The following ADAMTSL1 variants were observed in gnomAD, a reference collection of about 807,000 sequenced individuals.
ADAMTSL1 encodes the protein ADAMTS-like protein 1.
Under a neutral mutation model 201.8 loss-of-function variants are expected in ADAMTSL1, and 126 were observed. The observed-to-expected ratio is 0.62, with a 90% confidence interval of 0.54 to 0.72. The LOEUF is 0.72. Among genes scored for constraint, ADAMTSL1 ranks in the 30% least tolerant of loss-of-function variants. ADAMTSL1 has a pLI of 0.00. For missense variants in ADAMTSL1, 2,679 were observed against 2,277.8 expected, an observed-to-expected ratio of 1.18 and a Z score of -3.59; for synonymous variants, 1,121 against 903.4, an observed-to-expected ratio of 1.24 and a Z score of -4.32.
chr9:18,777,448 C>T lies in ADAMTSL1; in HGVS notation c.3219C>T (p.Thr1073=), dbSNP rs1395979104. Reference sequence around the variant, plus strand: ...TGCACCTGCCCTTCACCATGGTGACCGAGCAGCGGCGCCTGGACGACATCC... The same window carrying T: ...TGCACCTGCCCTTCACCATGGTGACTGAGCAGCGGCGCCTGGACGACATCC... ...VLLHLPFTMV[T]EQRRLDDILG... Residue 1073 remains threonine (T), a synonymous_variant, in exon 19 of 29, where the codon ACC becomes ACT. Coordinates refer to ENST00000380548, the MANE Select transcript of ADAMTSL1 (RefSeq NM_001040272.6). The T allele has an allele frequency of 1.3e-6, 2 of 1,595,404 alleles. No homozygotes were observed. The highest frequency in any genetic ancestry group is 1.7e-6 in the Non-Finnish European group (2 of 1,171,504).
intron 1 of ADAMTSL1, among the ~76,000 whole-genome samples, chr9:17,943,899 A>G (rs576238060): frequency 1.3e-5 from 2 of 152,188 alleles, no homozygotes; most frequent in South Asian, 4.2e-4. Context: ...CAGAAGGTGA[A>G]GGGTGAACAG....
intron 4 of ADAMTSL1, among the ~76,000 whole-genome samples, chr9:18,614,381 A>G (rs1825573411): frequency 6.6e-6 from 1 of 151,928 alleles, no homozygotes; most frequent in Non-Finnish European, 1.5e-5. Flanking sequence ...CTAGACTTCA[A>G]CTCTGGTGAC....
intron 1 of ADAMTSL1, among the ~76,000 whole-genome samples, chr9:18,120,876 A>G (rs1370770156): frequency 6.6e-6 from 1 of 152,182 alleles, no homozygotes; most frequent in East Asian, 1.9e-4. Flanking sequence ...TTATTAATAC[A>G]TTAATGTTTG....
intron 9 of ADAMTSL1, among the ~76,000 whole-genome samples, chr9:18,667,776 T>A (rs1192792484): frequency 6.6e-6 from 1 of 152,200 alleles, no homozygotes; most frequent in African/African-American, 2.4e-5. Flanking sequence ...AAGGAAAAGA[T>A]GGAATTCTAG....
chr9:18,691,214 T>A (rs1360137477), intron 13 of ADAMTSL1, among the ~76,000 whole-genome samples: 1 of 152,212 alleles, frequency 6.6e-6, no homozygotes, highest in Non-Finnish European at 1.5e-5. Flanking sequence ...TATATCAGAA[T>A]TGCATCTACC....
Position 18,721,531 on chromosome 9 carries a change from C to G in ADAMTSL1, c.1877-5C>G. On this transcript the variant is annotated splice_region_variant and splice_polypyrimidine_tract_variant and intron_variant, in intron 14 of 28. Coordinates refer to ENST00000380548, the MANE Select transcript of ADAMTSL1 (RefSeq NM_001040272.6). ...CTCTGGCCTGACCGTGTGATTTGTA[C>G]ACAGGTGTCCAGGAGGCTGTGGTGA... 1 of 1,613,740 alleles carries G rather than the reference C, an allele frequency of 6.2e-7. No homozygotes were observed.
At chr9:18,591,163 T>C (rs1823889188) in intron 4 of ADAMTSL1, among the ~76,000 whole-genome samples, 1 of 152,196 alleles carries the variant, frequency 6.6e-6, no homozygotes, top group Non-Finnish European at 1.5e-5. Context: ...TCTCTCCTTT[T>C]AGATCTGTTA....
chr9:18,701,125 T>C (rs1367261887), intron 13 of ADAMTSL1, among the ~76,000 whole-genome samples: 1 of 151,736 alleles, frequency 6.6e-6, no homozygotes, highest in Non-Finnish European at 1.5e-5. Flanking sequence ...TGGTAAAATA[T>C]AATAGCTCAA....
intron 2 of ADAMTSL1, among the ~76,000 whole-genome samples, chr9:18,520,286 G>A (rs1818615433): frequency 6.6e-6 from 1 of 152,148 alleles, no homozygotes; most frequent in Non-Finnish European, 1.5e-5. Flanking sequence ...GTCTTAGACC[G>A]TTTACCCCAA....
rs1006207079 is a variant in ADAMTSL1, at chr9:18,177,496, T to C, written c.207+13515T>C. Among the ~76,000 whole-genome samples the C allele has an allele frequency of 2.0e-5, 3 of 152,174 alleles. No individual in the cohort carries two copies. In the East Asian group the frequency reaches 5.8e-4, roughly 29 times the overall value. ...AATAGACATTTGTTTTTTCCTTATG[T>C]AAAAGAAACTTTCCAGAGATAGAAA... On this transcript the variant is annotated intron_variant, in intron 2 of 29. Transcript: ENST00000680146.
At chr9:18,595,344 C>A (rs1824194900) in intron 4 of ADAMTSL1, among the ~76,000 whole-genome samples, 1 of 152,136 alleles carries the variant, frequency 6.6e-6, no homozygotes, top group Non-Finnish European at 1.5e-5. Context: ...ACATGCATCA[C>A]CCAGCAGGTC....
chr9:18,264,286 C>T (rs1832037259), intron 2 of ADAMTSL1, among the ~76,000 whole-genome samples: 2 of 152,130 alleles, frequency 1.3e-5, no homozygotes, highest in South Asian at 2.1e-4. Context: ...TTTAGGACCT[C>T]ACCATGTCTA....
chr9:18,646,644 T>C (rs1416790879), intron 7 of ADAMTSL1, among the ~76,000 whole-genome samples: 2 of 150,310 alleles, frequency 1.3e-5, no homozygotes, highest in Non-Finnish European at 3.0e-5. Flanking sequence ...TCTATTGAGA[T>C]AATCATGTGG....
At chr9:18,079,587 C>T (rs575124441) in intron 1 of ADAMTSL1, among the ~76,000 whole-genome samples, 1 of 151,946 alleles carries the variant, frequency 6.6e-6, no homozygotes, top group Admixed American at 6.6e-5. Context: ...GAGGCTGAGG[C>T]AGGAGAATGG....
rs891127553 is a variant in ADAMTSL1, at chr9:18,668,747, T to C, written c.1085+6674T>C. On this transcript the variant is annotated intron_variant, in intron 9 of 28. Transcript: ENST00000380548. ...CCAAACATCAGCTATCATGATTGAA[T>C]TGAGAAACAGACTGGTAAAACAACT... is the stretch of plus-strand genomic sequence containing the variant. Among the ~76,000 whole-genome samples the C allele has an allele frequency of 2.6e-5, 4 of 152,350 alleles. No individual in the cohort carries two copies. In the South Asian group the frequency reaches 6.2e-4, roughly 24 times the overall value.
At position 18,110,032 on chromosome 9, in the gene ADAMTSL1, C is replaced by G. The variant is rs78483929; in HGVS notation, c.88-53830C>G. Among the ~76,000 whole-genome samples, 391 of 152,264 alleles carry G rather than the reference C, an allele frequency of 2.6e-3. 1 individual carries two copies. Among genetic ancestry groups the G allele is most frequent in the Middle Eastern group, 0.01 (3 of 294 alleles). On this transcript the variant is annotated intron_variant, in intron 1 of 29. Coordinates refer to the ADAMTSL1 transcript ENST00000680146. ...CAAGTGAGGTGAGGTTAAGCTACTCCCCAAGCCTAGCCCCACAAGGCAGAC... is the reference window on the plus strand; with the variant it reads ...CAAGTGAGGTGAGGTTAAGCTACTCGCCAAGCCTAGCCCCACAAGGCAGAC...
chr9:18,675,831 AG>A (rs754818681), intron 9 of ADAMTSL1, 25 bp from the exon 10 acceptor site: 9 of 1,609,824 alleles, frequency 5.6e-6, no homozygotes, highest in Non-Finnish European at 8.5e-7. Flanking sequence ...TTCTACTCAG[AG>A]GGTTGGCATT....
intron 5 of ADAMTSL1, among the ~76,000 whole-genome samples, chr9:18,625,556 T>C (rs1826310764): frequency 6.6e-6 from 1 of 152,200 alleles, no homozygotes; most frequent in Non-Finnish European, 1.5e-5. Flanking sequence ...AGCCTTTTCA[T>C]TTTTTCTAGT....
chr9:18,817,078 A>T, intron 20 of ADAMTSL1, 31 bp from the exon 21 acceptor site: 1 of 1,605,506 alleles, frequency 6.2e-7, no homozygotes, highest in Non-Finnish European at 8.5e-7. Flanking sequence ...GTCACCACCA[A>T]GTAACATCTC....
Sources: gnomAD v4.1 joint callset for allele counts (sites outside exome capture counted in the v4.1 genomes callset) on GRCh38, gnomAD v4.1.1 for gene constraint, MANE v1.5 for transcripts, NCBI Gene and HGNC (gene_info 2026-07-23, HGNC 2026-07-21) for gene names.